Variants in MYH15 observed in about 807,000 individuals in gnomAD.
MYH15 encodes the protein myosin heavy chain 15.
In MYH15, 227 loss-of-function variants were observed where a neutral mutation model predicts 240.5. That is an observed-to-expected ratio of 0.94 (90% CI 0.85 to 1.05). The LOEUF (loss-of-function observed/expected upper bound fraction) is 1.05. Ranked by LOEUF, MYH15 falls within the 50% of genes least tolerant of loss-of-function variation. The pLI is 0.00. For synonymous variants in MYH15, 785 were observed against 796.7 expected, an observed-to-expected ratio of 0.99 and a Z score of 0.25; for missense variants, 2,217 against 2,247.5, an observed-to-expected ratio of 0.99 and a Z score of 0.27.
In MYH15 at chr3:108,500,102, TAGG is replaced by T; in HGVS notation, c.496+13_496+15del. 1 of 1,606,644 alleles carries T rather than the reference TAGG, an allele frequency of 6.2e-7. No homozygotes were observed. The highest frequency in any genetic ancestry group is 8.5e-7 in the Non-Finnish European group (1 of 1,177,042). ...TCAGATATTTTTACTTTTCATTTTG[TAGG>T]GCAGCTACTCACTGTGAAGCATGTC... On this transcript the variant is annotated intron_variant, in intron 4 of 40. Transcript: ENST00000693548.
Position 108,399,116 on chromosome 3 carries a change from C to G in MYH15, c.4888G>C (p.Glu1630Gln), listed in dbSNP as rs775256596. 2 of 1,614,144 alleles carry G rather than the reference C, an allele frequency of 1.2e-6. No individual in the cohort carries two copies. The highest frequency in any genetic ancestry group is 1.1e-5 in the South Asian group (1 of 91,076). Residue 1630 changes from glutamate (E) to glutamine (Q), a missense_variant, in exon 34 of 41, where the codon GAA (glutamate) becomes CAA (glutamine). Transcript: ENST00000693548. ...QLSCANRQVS[E>Q]ATKSLGQLQI... ...AGCTGGCCCAGGGATTTGGTTGCTT[C>G]TGACACCTGCCGGTTGGCACAGCTA...
Position 108,383,609 on chromosome 3 carries a change from CT to C in MYH15, c.5751del (p.Glu1918SerfsTer79), listed in dbSNP as rs1576198736. 2 of 1,612,648 alleles carry C rather than the reference CT, an allele frequency of 1.2e-6. No homozygotes were observed. The highest frequency in any genetic ancestry group is 4.5e-5 in the East Asian group (2 of 44,786). ...ATCTGCCATACCTTTTTCCCAAACT[CT>C]CTTGCTTTAATTTTGAGTTTATTGA... ...SQVNKLKIKA[R>X]EFGKKVQEE On this transcript the variant is annotated frameshift_variant, in exon 40 of 41. Transcript: ENST00000693548. LOFTEE classifies it high-confidence loss of function.
chr3:108,483,186 C>T (rs1290518112), intron 11 of MYH15, among the ~76,000 whole-genome samples: 1 of 136,880 alleles, frequency 7.3e-6, no homozygotes, highest in African/African-American at 2.7e-5. Flanking sequence ...AGCCACAGAG[C>T]AAGACTCTGT....
Position 108,459,423 on chromosome 3 carries a change from A to G in MYH15, c.1959T>C (p.Asn653=), listed in dbSNP as rs779946480. 1 of 1,605,468 alleles carries G rather than the reference A, an allele frequency of 6.2e-7. No homozygotes were observed. The highest frequency in any genetic ancestry group is 1.7e-5 in the Admixed American group (1 of 58,148). ...HKENLNKLMT[N]LKSTAPHFVR... is the part of the protein sequence containing the mutation. ...CAAAATGAGGTGCTGTTGATTTCAG[A>G]TTAGTCATCAATTTATTCAGGTTTT... is the stretch of plus-strand genomic sequence containing the variant. The change falls in exon 18 of 41, where the codon AAT becomes AAC. Residue 653 remains asparagine, a synonymous_variant. Transcript: ENST00000693548.
intron 28 of MYH15, among the ~76,000 whole-genome samples, chr3:108,418,461 T>C (rs1326893751): frequency 6.6e-6 from 1 of 152,234 alleles, no homozygotes; most frequent in Non-Finnish European, 1.5e-5. Context: ...GCAGCAATTT[T>C]AATCATCGTT....
In MYH15 at chr3:108,399,122, C is replaced by A. The variant is rs763958814; in HGVS notation, c.4882G>T (p.Val1628Leu). Residue 1628 changes from valine to leucine, a missense_variant, in exon 34 of 41, where the codon GTG becomes TTG. By Grantham distance (32) the Val-to-Leu change is conservative. Transcript: ENST00000693548. ...ELQLSCANRQVSEATKSLGQL... is the reference protein window; with the variant it reads ...ELQLSCANRQLSEATKSLGQL... ...CCCAGGGATTTGGTTGCTTCTGACA[C>A]CTGCCGGTTGGCACAGCTAAGCTGG... 1.2e-5 allele frequency: 19 copies of A among 1,614,096 alleles called. No individual in the cohort carries two copies. The Admixed American group carries it at 3.2e-4, about 27-fold the overall frequency.
upstream of MYH15, among the ~76,000 whole-genome samples, chr3:108,532,513 T>G (rs2083718655): frequency 6.6e-6 from 1 of 152,200 alleles, no homozygotes; most frequent in Non-Finnish European, 1.5e-5. Flanking sequence ...GTTCTCACAC[T>G]GAAACTACAC....
chr3:108,462,979 A>T, intron 16 of MYH15, 132 bp downstream of exon 16: 1 of 1,013,130 alleles, frequency 9.9e-7, no homozygotes, highest in Non-Finnish European at 1.4e-6. Flanking sequence ...AGAAAGACTA[A>T]TAAGAGGGGA....
chr3:108,495,814 G>A lies in MYH15; in HGVS notation c.677C>T (p.Ala226Val). Residue 226 changes from alanine to valine, a missense_variant, in exon 7 of 41, where the codon GCT becomes GTT. Ala to Val is a moderately conservative substitution (Grantham distance 64). Transcript: ENST00000693548. ...GGAGTTGTCATTTCTCAGGGTTTTA[G>A]CATTTCCAAATGCTTCCAAGATAGT... ...ANTILEAFGN[A>V]KTLRNDNSSR... The A allele has an allele frequency of 6.2e-7, 1 of 1,612,364 alleles. No homozygotes were observed. Among genetic ancestry groups the A allele is most frequent in the Non-Finnish European group, 8.5e-7 (1 of 1,179,328 alleles).
intron 5 of MYH15, among the ~76,000 whole-genome samples, chr3:108,498,403 C>A (rs1424104606): frequency 1.3e-5 from 2 of 152,088 alleles, no homozygotes; most frequent in Non-Finnish European, 2.9e-5. Flanking sequence ...GAAGCCTGTT[C>A]CTTGTGGTCC....
intron 10 of MYH15, among the ~76,000 whole-genome samples, chr3:108,486,101 A>G (rs1156465663): frequency 6.6e-6 from 1 of 152,246 alleles, no homozygotes; most frequent in Non-Finnish European, 1.5e-5. Context: ...CTTTTGGTAA[A>G]AAACAAAAAA....
chr3:108,513,813 G>A (rs62266362), upstream of MYH15, among the ~76,000 whole-genome samples: 2,972 of 152,232 alleles, frequency 0.02, 43 homozygotes, highest in Non-Finnish European at 0.025. Flanking sequence ...CATAGACAAC[G>A]TCATCACTAT....
intron 2 of MYH15, among the ~76,000 whole-genome samples, chr3:108,504,877 C>T (rs1280302422): frequency 2.0e-5 from 3 of 152,176 alleles, no homozygotes; most frequent in African/African-American, 7.2e-5. Flanking sequence ...TACAGTCTAG[C>T]TTGTACCCCA....
At chr3:108,545,000 C>T in the MYH15 span, among the ~76,000 whole-genome samples, 1 of 152,070 alleles carries the variant, frequency 6.6e-6, no homozygotes, top group Non-Finnish European at 1.5e-5. Context: ...TACATCTTTT[C>T]CTCATAATCT....
chr3:108,491,031 G>C (rs2083342389), intron 9 of MYH15, among the ~76,000 whole-genome samples: 1 of 152,086 alleles, frequency 6.6e-6, no homozygotes, highest in African/African-American at 2.4e-5. Flanking sequence ...AGAATTACGA[G>C]CACCTGCCAC....
At chr3:108,415,646 C>T (rs1187905318) in intron 29 of MYH15, among the ~76,000 whole-genome samples, 2 of 152,104 alleles carry the variant, frequency 1.3e-5, no homozygotes, top group Non-Finnish European at 2.9e-5. Flanking sequence ...AGCAGATAAA[C>T]ACGATCTAGA....
intron 4 of MYH15, 145 bp downstream of exon 4, chr3:108,499,973 T>C (rs1394163923): frequency 4.1e-6 from 4 of 971,654 alleles, no homozygotes; most frequent in Admixed American, 5.8e-5. Flanking sequence ...TCACCCACAT[T>C]TTATCCAGAA....
At chr3:108,499,990 A>T (rs1030623830) in intron 4 of MYH15, 128 bp downstream of exon 4, 1 of 1,085,242 alleles carries the variant, frequency 9.2e-7, no homozygotes, top group African/African-American at 1.6e-5. Context: ...AGAAGGAAAC[A>T]GAGGCTTCAA....
chr3:108,454,240 CTG>C (rs2083000629), intron 20 of MYH15, 98 bp from the exon 21 acceptor site: 1 of 1,078,064 alleles, frequency 9.3e-7, no homozygotes, highest in African/African-American at 1.6e-5. Flanking sequence ...CTAGGGATAA[CTG>C]TATCAATTCC....
Sources: gnomAD v4.1 joint callset for allele counts (sites outside exome capture counted in the v4.1 genomes callset) on GRCh38, gnomAD v4.1.1 for gene constraint, MANE v1.5 for transcripts, NCBI Gene and HGNC (gene_info 2026-07-23, HGNC 2026-07-21) for gene names.